The following N4BP1 variants were observed in gnomAD, a reference collection of about 807,000 sequenced individuals.
The protein encoded by N4BP1 is NEDD4 binding protein 1.
N4BP1 carries 21 observed loss-of-function variants against 70.9 expected under a neutral mutation model. The ratio of observed to expected loss-of-function variants is 0.30; its 90% CI spans 0.21 to 0.43. N4BP1 has a LOEUF of 0.43. Ranked by LOEUF, N4BP1 falls within the 20% of genes least tolerant of loss-of-function variation. The pLI is 1.00. For synonymous variants in N4BP1, 387 were observed against 394.6 expected, an observed-to-expected ratio of 0.98 and a Z score of 0.23; for missense variants, 936 against 1,069.4, an observed-to-expected ratio of 0.88 and a Z score of 1.74.
At chr16:48,588,377 C>T (rs907917101) in intron 1 of N4BP1, among the ~76,000 whole-genome samples, 2 of 151,242 alleles carry the variant, frequency 1.3e-5, no homozygotes, top group Non-Finnish European at 2.9e-5. Flanking sequence ...TCATGGCAAC[C>T]TTCGCCTCTC....
intron 1 of N4BP1, among the ~76,000 whole-genome samples, chr16:48,594,814 ATTG>A (rs1295781910): frequency 2.6e-5 from 4 of 152,184 alleles, no homozygotes; most frequent in Non-Finnish European, 5.9e-5. Flanking sequence ...ATCAATAATA[ATTG>A]TTATGTTAAA....
chr16:48,577,045 T>C (rs1964105277), intron 1 of N4BP1, among the ~76,000 whole-genome samples: 1 of 152,210 alleles, frequency 6.6e-6, no homozygotes, highest in Non-Finnish European at 1.5e-5. Flanking sequence ...ATTAAAGGTG[T>C]AAGCCACTAG....
intron 5 of N4BP1, 38 bp downstream of exon 5, chr16:48,547,969 A>G (rs755085682): frequency 7.4e-7 from 1 of 1,351,130 alleles, no homozygotes; most frequent in Non-Finnish European, 1.1e-6. Context: ...AATTAAAAAC[A>G]AAACTTTTCT....
intron 1 of N4BP1, among the ~76,000 whole-genome samples, chr16:48,581,012 C>A (rs1567439117): frequency 6.6e-6 from 1 of 152,100 alleles, no homozygotes; most frequent in Admixed American, 6.5e-5. Context: ...TGGAACCAAT[C>A]ACCCACAAAT....
chr16:48,567,190 T>G (rs1963955592), intron 1 of N4BP1, among the ~76,000 whole-genome samples: 1 of 152,216 alleles, frequency 6.6e-6, no homozygotes, highest in Non-Finnish European at 1.5e-5. Context: ...TGATTTACAT[T>G]TAATGTAATT....
At chr16:48,550,447 G>A (rs534149347) in intron 4 of N4BP1, among the ~76,000 whole-genome samples, 50 of 151,442 alleles carry the variant, frequency 3.3e-4, no homozygotes, top group Non-Finnish European at 5.8e-4. Context: ...CCTGAGAGGC[G>A]GAGGTTGCAA....
At chr16:48,586,542 A>G (rs1349976832) in intron 1 of N4BP1, among the ~76,000 whole-genome samples, 1 of 152,060 alleles carries the variant, frequency 6.6e-6, no homozygotes, top group Admixed American at 6.6e-5. Context: ...CAGTATATAT[A>G]CTCTTTTAGT....
chr16:48,578,719 A>C (rs1964135010), intron 1 of N4BP1, among the ~76,000 whole-genome samples: 2 of 152,222 alleles, frequency 1.3e-5, no homozygotes, highest in South Asian at 4.1e-4. Flanking sequence ...CAAGATTCTG[A>C]GAACAATATT....
At chr16:48,600,518 A>T in intron 1 of N4BP1, 2 of 593,132 alleles carry the variant, frequency 3.4e-6, no homozygotes, top group Non-Finnish European at 6.4e-6. Flanking sequence ...AGAGCTACAG[A>T]AAGTTCAGGA....
At chr16:48,600,165 G>C (rs1290721582) in intron 1 of N4BP1, 3 of 578,004 alleles carry the variant, frequency 5.2e-6, no homozygotes, top group Non-Finnish European at 9.5e-6. Context: ...GGTTTAACAT[G>C]TGTACTGTGA....
chr16:48,546,360 G>A, intron 5 of N4BP1, 106 bp from the exon 6 acceptor site: 1 of 686,588 alleles, frequency 1.5e-6, no homozygotes, highest in South Asian at 2.2e-5. Context: ...GGTCAGGTCA[G>A]CCTACAAATC....
intron 6 of N4BP1, among the ~76,000 whole-genome samples, chr16:48,545,209 C>A (rs1180997883): frequency 6.6e-6 from 1 of 151,666 alleles, no homozygotes; most frequent in South Asian, 2.1e-4. Flanking sequence ...AAGTTATCTA[C>A]CTGCCTCGGC....
intron 1 of N4BP1, among the ~76,000 whole-genome samples, chr16:48,580,648 A>G (rs964305501): frequency 7.2e-5 from 11 of 152,204 alleles, no homozygotes; most frequent in African/African-American, 2.7e-4. Flanking sequence ...GCAGGCCAAT[A>G]TCCCTGATGA....
intron 1 of N4BP1, among the ~76,000 whole-genome samples, chr16:48,599,349 T>C (rs1028334963): frequency 6.6e-6 from 1 of 152,204 alleles, no homozygotes; most frequent in Non-Finnish European, 1.5e-5. Context: ...ATGGTTGTTC[T>C]TTCACAAATT....
At chr16:48,609,140 G>T (rs1312787809) in intron 1 of N4BP1, among the ~76,000 whole-genome samples, 1 of 152,040 alleles carries the variant, frequency 6.6e-6, no homozygotes, top group Non-Finnish European at 1.5e-5. Context: ...ACTTGAGCCC[G>T]GGAAGTCGAG....
intron 1 of N4BP1, among the ~76,000 whole-genome samples, chr16:48,605,452 C>A (rs552325540): frequency 1.5e-4 from 23 of 152,152 alleles, no homozygotes; most frequent in Non-Finnish European, 2.8e-4. Flanking sequence ...TCTCTATTTG[C>A]GAATGAGGCA....
chr16:48,577,270 C>A (rs1964107757), intron 1 of N4BP1, among the ~76,000 whole-genome samples: 3 of 152,118 alleles, frequency 2.0e-5, no homozygotes, highest in Admixed American at 2.0e-4. Context: ...TTCCTCTCCA[C>A]TCTTCTGAGA....
At chr16:48,604,628 A>T (rs1197323863) in intron 1 of N4BP1, among the ~76,000 whole-genome samples, 1 of 146,082 alleles carries the variant, frequency 6.8e-6, no homozygotes, top group Non-Finnish European at 1.5e-5. Context: ...AACAAAAACT[A>T]AATTAAAACA....
intron 1 of N4BP1, among the ~76,000 whole-genome samples, chr16:48,593,297 T>A (rs1964362124): frequency 6.6e-6 from 1 of 152,242 alleles, no homozygotes. Flanking sequence ...TGCTAAGAGT[T>A]AACAGTGTAA....
Sources: allele counts gnomAD v4.1 joint callset (sites outside exome capture counted in the v4.1 genomes callset), GRCh38; gene constraint gnomAD v4.1.1; transcripts MANE v1.5; gene names NCBI Gene and HGNC (gene_info 2026-07-23, HGNC 2026-07-21).